Variants in GDI2 observed in about 807,000 individuals in gnomAD.
GDI2 encodes the protein rab GDP dissociation inhibitor beta.
GDI2 carries 22 observed loss-of-function variants against 54.2 expected under a neutral mutation model. That is an observed-to-expected ratio of 0.41 (90% CI 0.29 to 0.58). The LOEUF (loss-of-function observed/expected upper bound fraction) is 0.58. Ranked by LOEUF, GDI2 falls within the 20% of genes least tolerant of loss-of-function variation. The pLI is 0.35. For missense variants in GDI2, 422 were observed against 546.0 expected, an observed-to-expected ratio of 0.77 and a Z score of 2.26; for synonymous variants, 177 against 182.1, an observed-to-expected ratio of 0.97 and a Z score of 0.23.
At chr10:5,779,056 A>G (rs1008475190) in intron 6 of GDI2, among the ~76,000 whole-genome samples, 1 of 152,236 alleles carries the variant, frequency 6.6e-6, no homozygotes, top group Non-Finnish European at 1.5e-5. Flanking sequence ...AAATGTTAAA[A>G]TACGCAGTTT....
At chr10:5,805,763 A>C in intron 1 of GDI2, among the ~76,000 whole-genome samples, 1 of 152,226 alleles carries the variant, frequency 6.6e-6, no homozygotes, top group South Asian at 2.1e-4. Context: ...TTTATTATAT[A>C]TAAGAATAAC....
chr10:5,800,490 T>C, intron 2 of GDI2, 108 bp downstream of exon 2: 1 of 705,058 alleles, frequency 1.4e-6, no homozygotes, highest in Non-Finnish European at 2.6e-6. Flanking sequence ...CTCCAGATAT[T>C]CCATTTAACA....
chr10:5,796,121 G>A (rs982807841), intron 3 of GDI2, among the ~76,000 whole-genome samples: 1 of 151,794 alleles, frequency 6.6e-6, no homozygotes, highest in Non-Finnish European at 1.5e-5. Flanking sequence ...AGGCTGAGGC[G>A]AGCAGGTCAC....
chr10:5,795,426 T>C (rs1007538546), intron 3 of GDI2, among the ~76,000 whole-genome samples: 16 of 152,058 alleles, frequency 1.1e-4, no homozygotes, highest in African/African-American at 3.6e-4. Context: ...TGGCCCAAAA[T>C]AACCTCCAAA....
chr10:5,782,563 AAACT>A (rs1172976796), intron 6 of GDI2, among the ~76,000 whole-genome samples: 2 of 152,210 alleles, frequency 1.3e-5, no homozygotes, highest in East Asian at 1.9e-4. Context: ...CAAAAACTGA[AAACT>A]AACTAGATGT....
intron 1 of GDI2, among the ~76,000 whole-genome samples, chr10:5,812,587 G>GAGA (rs1204635126): frequency 6.6e-6 from 1 of 152,222 alleles, no homozygotes; most frequent in African/African-American, 2.4e-5. Flanking sequence ...CTCAGTAAGT[G>GAGA]AGAAGGGAGG....
At chr10:5,772,733 G>A (rs1034955734) in intron 7 of GDI2, among the ~76,000 whole-genome samples, 2 of 152,040 alleles carry the variant, frequency 1.3e-5, no homozygotes, top group African/African-American at 2.4e-5. Flanking sequence ...CTCCAGCCTC[G>A]GCGACAGAGC....
At chr10:5,800,755 A>G (rs1287578682) in intron 1 of GDI2, 50 bp from the exon 2 acceptor site, 1 of 903,968 alleles carries the variant, frequency 1.1e-6, no homozygotes, top group African/African-American at 1.6e-5. Flanking sequence ...AGCATATTTA[A>G]AACAGATCAT....
At chr10:5,810,188 T>A (rs1390159973) in intron 1 of GDI2, among the ~76,000 whole-genome samples, 1 of 152,216 alleles carries the variant, frequency 6.6e-6, no homozygotes, top group Non-Finnish European at 1.5e-5. Context: ...GTATCTGGGA[T>A]GTAAAGCAAG....
In GDI2 at chr10:5,800,669, T is replaced by A; in HGVS notation, c.82A>T (p.Lys28Ter). 1 of 1,594,208 alleles carries A rather than the reference T, an allele frequency of 6.3e-7. No homozygotes were observed. The highest frequency in any genetic ancestry group is 8.6e-7 in the Non-Finnish European group (1 of 1,161,826). Residue 28 changes from lysine (K) to a stop codon, truncating the protein, a stop_gained, in exon 2 of 11, where the codon AAG (lysine) becomes TAG (stop). Coordinates refer to ENST00000380191, the MANE Select transcript of GDI2 (RefSeq NM_001494.4). LOFTEE classifies it high-confidence loss of function. ...TTTCGATCCATATGAAGAACTTTCTTGCCATTCACTGACATTATACCTGAC... is the reference window on the plus strand; with the variant it reads ...TTTCGATCCATATGAAGAACTTTCTAGCCATTCACTGACATTATACCTGAC... Reference protein sequence around the residue: ...ILSGIMSVNGKKVLHMDRNPY... With the variant: ...ILSGIMSVNG
At chr10:5,800,972 T>C (rs759848870) in intron 1 of GDI2, among the ~76,000 whole-genome samples, 3 of 152,144 alleles carry the variant, frequency 2.0e-5, no homozygotes, top group Non-Finnish European at 2.9e-5. Context: ...TTTTTTGAGA[T>C]AGAGTTTCAC....
At chr10:5,801,837 C>G (rs961956542) in intron 1 of GDI2, among the ~76,000 whole-genome samples, 5 of 152,074 alleles carry the variant, frequency 3.3e-5, no homozygotes, top group Non-Finnish European at 7.4e-5. Flanking sequence ...ACGGTGAAAC[C>G]CTGTCTCTAC....
chr10:5,779,713 A>G (rs1408783409), intron 6 of GDI2, among the ~76,000 whole-genome samples: 2 of 148,268 alleles, frequency 1.3e-5, no homozygotes, highest in African/African-American at 4.9e-5. Flanking sequence ...TTTTTGTAAG[A>G]GACAGGGTCC....
chr10:5,784,633 G>A (rs1840832532), intron 6 of GDI2, among the ~76,000 whole-genome samples: 1 of 152,208 alleles, frequency 6.6e-6, no homozygotes, highest in African/African-American at 2.4e-5. Context: ...TTGATGTGGT[G>A]CTCTCCCCTT....
chr10:5,775,115 C>T (rs1840589265), intron 6 of GDI2, among the ~76,000 whole-genome samples: 1 of 152,186 alleles, frequency 6.6e-6, no homozygotes, highest in African/African-American at 2.4e-5. Flanking sequence ...TGCTGAAACC[C>T]TGTTTCTACA....
chr10:5,767,429 G>A (rs998400007), intron 8 of GDI2, among the ~76,000 whole-genome samples: 12 of 151,906 alleles, frequency 7.9e-5, no homozygotes, highest in African/African-American at 1.9e-4. Context: ...CTCTCCCACC[G>A]CAGCCTCCCA....
chr10:5,807,236 T>C (rs1841396431), intron 1 of GDI2, among the ~76,000 whole-genome samples: 1 of 152,240 alleles, frequency 6.6e-6, no homozygotes, highest in Non-Finnish European at 1.5e-5. Flanking sequence ...GGGCACAGTA[T>C]ATATTAATGA....
chr10:5,772,174 AC>A (rs1840505294), intron 7 of GDI2, among the ~76,000 whole-genome samples: 1 of 152,222 alleles, frequency 6.6e-6, no homozygotes, highest in African/African-American at 2.4e-5. Flanking sequence ...TTCCAGTGGA[AC>A]ACGATGTGGA....
intron 6 of GDI2, among the ~76,000 whole-genome samples, chr10:5,780,072 G>A (rs1025526773): frequency 5.3e-5 from 8 of 151,890 alleles, no homozygotes; most frequent in African/African-American, 1.9e-4. Context: ...AGCCAGGTGG[G>A]GTGGTGCATG....
Sources: allele counts gnomAD v4.1 joint callset (sites outside exome capture counted in the v4.1 genomes callset), GRCh38; gene constraint gnomAD v4.1.1; transcripts MANE v1.5; gene names NCBI Gene and HGNC (gene_info 2026-07-23, HGNC 2026-07-21).